BDKRB1: variants seen among roughly 807,000 people sequenced by gnomAD.
The protein encoded by BDKRB1 is B1 bradykinin receptor.
For missense variants in BDKRB1, 414 were observed against 441.4 expected (o/e 0.94, Z 0.56); for synonymous variants, 192 against 189.1 (o/e 1.02, Z -0.13).
chr14:96,259,566 A>G (rs1885698115), intron 1 of BDKRB1: 1 of 152,632 alleles, frequency 6.6e-6, no homozygotes, highest in Admixed American at 6.5e-5. Flanking sequence ...TATTGTTACC[A>G]TGACGCTGGA....
rs1595276852 is a variant in BDKRB1 at position 96,264,160 on chromosome 14, C to T, written c.478C>T (p.Leu160Phe). 5 of 1,602,784 alleles carry T rather than the reference C, an allele frequency of 3.1e-6. No individual in the cohort carries two copies. In the South Asian group the frequency reaches 3.4e-5, roughly 11 times the overall value. ...RRRQARVTCVLIWVVGGLLSI... is the reference protein window; with the variant it reads ...RRRQARVTCVFIWVVGGLLSI... ...GAGGCAGGCCCGGGTCACCTGCGTG[C>T]TCATCTGGGTTGTGGGGGGCCTCTT... The change falls in exon 3 of 3, where the codon CTC (leucine) becomes TTC (phenylalanine). Residue 160 changes from leucine (L) to phenylalanine (F), a missense_variant. Leu to Phe is a conservative substitution (Grantham distance 22). Transcript: ENST00000216629.
intron 1 of BDKRB1, chr14:96,259,310 TA>T (rs34033321): frequency 6.7e-6 from 1 of 148,772 alleles, no homozygotes; most frequent in East Asian, 2.0e-4. Context: ...AATGGGAAAA[TA>T]AAAGAGAAAA....
chr14:96,264,408 C>G lies in BDKRB1; in HGVS notation c.726C>G (p.Gly242=), dbSNP rs1885841126. 1 of 1,614,208 alleles carries G rather than the reference C, an allele frequency of 6.2e-7. No individual in the cohort carries two copies. The highest frequency in any genetic ancestry group is 1.3e-5 in the African/African-American group (1 of 75,062). Residue 242 remains glycine (G), a synonymous_variant, in exon 3 of 3, where the codon GGC becomes GGG. Transcript: ENST00000216629. ...AGGTCAGCAGGACAAGGTGCGGGGG[C>G]CGCAAGGATAGCAAGACCACAGCGC... ...REEVSRTRCG[G]RKDSKTTALI... is the part of the protein sequence containing the mutation.
chr14:96,257,815 C>T (rs533465878), intron 1 of BDKRB1, among the ~76,000 whole-genome samples: 1 of 151,826 alleles, frequency 6.6e-6, no homozygotes, highest in South Asian at 2.1e-4. Flanking sequence ...AAATTATTTC[C>T]CCCAAAAATT....
At chr14:96,257,610 C>G (rs1009192100) in intron 1 of BDKRB1, among the ~76,000 whole-genome samples, 1 of 152,176 alleles carries the variant, frequency 6.6e-6, no homozygotes, top group African/African-American at 2.4e-5. Context: ...AATGCCCCAG[C>G]CCCTCCACCA....
At position 96,264,374 on chromosome 14, in the gene BDKRB1, C is replaced by T. The variant is rs757437458; in HGVS notation, c.692C>T (p.Thr231Met). The change falls in exon 3 of 3, where the codon ACG becomes ATG. Residue 231 changes from threonine (T) to methionine (M), a missense_variant. By Grantham distance (81) the Thr-to-Met change is moderately conservative. Transcript: ENST00000216629. Reference sequence around the variant, plus strand: ...TACCACATCCTGGCCTCCCTGCGAACGCGGGAGGAGGTCAGCAGGACAAGG... The same window carrying T: ...TACCACATCCTGGCCTCCCTGCGAATGCGGGAGGAGGTCAGCAGGACAAGG... Reference protein sequence around the residue: ...FNYHILASLRTREEVSRTRCG... With the variant: ...FNYHILASLRMREEVSRTRCG... 37 of 1,614,104 alleles carry T rather than the reference C, an allele frequency of 2.3e-5. No individual in the cohort carries two copies. In the Admixed American group the frequency reaches 2.5e-4, roughly 11 times the overall value.
chr14:96,260,982 C>A (rs1334308388), intron 1 of BDKRB1, among the ~76,000 whole-genome samples: 1 of 152,056 alleles, frequency 6.6e-6, no homozygotes, highest in South Asian at 2.1e-4. Context: ...TGTTCTTCCC[C>A]ACCCCCCACA....
chr14:96,263,633 C>A (rs1358308907), intron 2 of BDKRB1, 40 bp from the exon 3 acceptor site: 2 of 1,543,940 alleles, frequency 1.3e-6, no homozygotes, highest in Non-Finnish European at 1.7e-6. Flanking sequence ...AGGCTGTAGT[C>A]TGCCACTTCC....
chr14:96,258,545 G>A (rs1885669575), intron 1 of BDKRB1, among the ~76,000 whole-genome samples: 1 of 152,184 alleles, frequency 6.6e-6, no homozygotes, highest in African/African-American at 2.4e-5. Context: ...TATTTTCACA[G>A]GTGCTGTCTT....
intron 1 of BDKRB1, among the ~76,000 whole-genome samples, chr14:96,256,756 C>T (rs1052763910): frequency 2.0e-5 from 3 of 152,298 alleles, no homozygotes; most frequent in Middle Eastern, 6.8e-3. Flanking sequence ...ACTATGTGAC[C>T]GTGCTGATGG....
chr14:96,256,917 C>T (rs1233927474), intron 1 of BDKRB1, among the ~76,000 whole-genome samples: 1 of 152,220 alleles, frequency 6.6e-6, no homozygotes, highest in Non-Finnish European at 1.5e-5. Context: ...AAATACCACA[C>T]AGGAATTACA....
Position 96,263,943 on chromosome 14 carries a change from C to T in BDKRB1, c.261C>T (p.Val87=), listed in dbSNP as rs1885821346. ...ANLAASDLVF[V]LGLPFWAENI... ...TGGCAGCCTCTGATCTGGTGTTTGT[C>T]TTGGGCTTGCCCTTCTGGGCAGAGA... Residue 87 remains valine, a synonymous_variant, in exon 3 of 3, where the codon GTC becomes GTT. Transcript: ENST00000216629. 6.8e-6 allele frequency: 11 copies of T among 1,614,248 alleles called. No homozygotes were observed. In the Middle Eastern group the frequency reaches 6.6e-4, roughly 97 times the overall value.
Position 96,264,118 on chromosome 14 carries a change from C to G in BDKRB1, c.436C>G (p.Arg146Gly). Residue 146 changes from arginine to glycine, a missense_variant, in exon 3 of 3, where the codon CGG becomes GGG. Arg to Gly is a moderately radical substitution (Grantham distance 125, BLOSUM62 -2). Coordinates refer to ENST00000216629, the MANE Select transcript of BDKRB1 (RefSeq NM_000710.4). ...YRVLVHPMAS[R>G]RQQRRRQARV... ...CGTGCTGGTGCACCCTATGGCCAGC[C>G]GGAGGCAGCAGCGGCGGAGGCAGGC... is the stretch of plus-strand genomic sequence containing the variant. 1 of 1,595,776 alleles carries G rather than the reference C, an allele frequency of 6.3e-7. No individual in the cohort carries two copies.
intron 1 of BDKRB1, among the ~76,000 whole-genome samples, chr14:96,262,057 A>C (rs1202345556): frequency 1.3e-5 from 2 of 150,902 alleles, no homozygotes; most frequent in African/African-American, 2.4e-5. Flanking sequence ...GGGTGCATGC[A>C]GACCAAGGTT....
In BDKRB1 at chr14:96,264,688, G is replaced by C. The variant is rs373428829; in HGVS notation, c.1006G>C (p.Ala336Pro). The change falls in exon 3 of 3, where the codon GCT (alanine) becomes CCT (proline). Residue 336 changes from alanine to proline, a missense_variant. Transcript: ENST00000216629. ...TAAACAATGCACCCCTAAAAGTCTT[G>C]CTCCAATATCTTCATCCCATAGGAA... ...LYKQCTPKSLAPISSSHRKEI... is the reference protein window; with the variant it reads ...LYKQCTPKSLPPISSSHRKEI... 13 of 1,613,976 alleles carry C rather than the reference G, an allele frequency of 8.1e-6. No homozygotes were observed. Among genetic ancestry groups the C allele is most frequent in the Non-Finnish European group, 1.1e-5 (13 of 1,180,032 alleles).
At chr14:96,259,453 A>G (rs888783809) in intron 1 of BDKRB1, 1 of 152,252 alleles carries the variant, frequency 6.6e-6, no homozygotes, top group African/African-American at 2.4e-5. Flanking sequence ...GTCAATTTAT[A>G]GAATATTGAC....
rs766620117 is a variant in BDKRB1, at chr14:96,264,633, G to A, written c.951G>A (p.Arg317=). ...CAGTAATTTATGTCTTTGTGGGCCG[G>A]CTCTTCAGGACCAAGGTCTGGGAAC... ...LNPVIYVFVG[R]LFRTKVWELY... Residue 317 remains arginine (R), a synonymous_variant, in exon 3 of 3, where the codon CGG becomes CGA. Transcript: ENST00000216629. 4.3e-6 allele frequency: 7 copies of A among 1,614,132 alleles called. No homozygotes were observed. Among genetic ancestry groups the A allele is most frequent in the Non-Finnish European group, 5.9e-6 (7 of 1,180,044 alleles).
chr14:96,260,110 T>G lies in BDKRB1; in HGVS notation c.-129-2542T>G, dbSNP rs1054609064. Among the ~76,000 whole-genome samples, 9 of 151,710 alleles carry G rather than the reference T, an allele frequency of 5.9e-5. No individual in the cohort carries two copies. The East Asian group carries it at 1.8e-3, about 30-fold the overall frequency. On this transcript the variant is annotated intron_variant, in intron 1 of 2. Transcript: ENST00000216629. ...TGCGATCTCAGCTCACTGCAACCTCTGCCTCCTAGGTTCAAGCAATTCTCT... is the reference window on the plus strand; with the variant it reads ...TGCGATCTCAGCTCACTGCAACCTCGGCCTCCTAGGTTCAAGCAATTCTCT...
At chr14:96,257,329 A>G (rs186071528) in intron 1 of BDKRB1, among the ~76,000 whole-genome samples, 2 of 152,346 alleles carry the variant, frequency 1.3e-5, no homozygotes, top group Admixed American at 6.5e-5. Flanking sequence ...TAAGGCTGCT[A>G]TAATTAATTA....
Sources: gnomAD v4.1 joint callset for allele counts (sites outside exome capture counted in the v4.1 genomes callset) on GRCh38, gnomAD v4.1.1 for gene constraint, MANE v1.5 for transcripts, NCBI Gene and HGNC (gene_info 2026-07-23, HGNC 2026-07-21) for gene names.